Variants in CCDC102B observed in about 807,000 individuals in gnomAD.
CCDC102B encodes the protein coiled-coil domain-containing protein 102B.
CCDC102B carries 75 observed loss-of-function variants against 57.4 expected under a neutral mutation model. The ratio of observed to expected loss-of-function variants is 1.31; its 90% CI spans 1.08 to 1.58. The LOEUF (loss-of-function observed/expected upper bound fraction) is 1.58. Among genes scored for constraint, CCDC102B ranks in the 40% most tolerant of loss-of-function variants. The pLI is 0.00. For synonymous variants in CCDC102B, 206 were observed against 201.9 expected (o/e 1.02, Z -0.17); for missense variants, 636 against 582.6 (o/e 1.09, Z -0.94).
chr18:68,730,797 C>T (rs1341281798), intron 2 of CCDC102B, among the ~76,000 whole-genome samples: 1 of 152,120 alleles, frequency 6.6e-6, no homozygotes, highest in Non-Finnish European at 1.5e-5. Flanking sequence ...ATGTCTTCTA[C>T]ATGATGTATT....
intron 7 of CCDC102B, among the ~76,000 whole-genome samples, chr18:69,037,397 C>T (rs894985066): frequency 6.6e-6 from 1 of 151,840 alleles, no homozygotes; most frequent in Non-Finnish European, 1.5e-5. Flanking sequence ...TTTATAAGTT[C>T]AAGGATAAAG....
chr18:68,767,247 T>A (rs191311812), intron 2 of CCDC102B, among the ~76,000 whole-genome samples: 2 of 152,354 alleles, frequency 1.3e-5, no homozygotes, highest in Admixed American at 1.3e-4. Context: ...TATGTGAAGC[T>A]CTAACCCTTG....
rs149120271 is a variant in CCDC102B, at chr18:68,839,356, A to G, written c.827+430A>G. On this transcript the variant is annotated intron_variant, in intron 3 of 7. Coordinates refer to ENST00000360242, the MANE Select transcript of CCDC102B (RefSeq NM_024781.3). The stretch of plus-strand genomic sequence containing the variant: ...GAAAAAGTAGTCTTATACATGGACC[A>G]TTAAGGGCATCAGGCTTTTGCTTAA... Among the ~76,000 whole-genome samples, 952 of 152,314 alleles carry G rather than the reference A, an allele frequency of 6.3e-3. 5 individuals are homozygous for G. Among genetic ancestry groups the G allele is most frequent in the African/African-American group, 0.022 (897 of 41,578 alleles).
upstream of CCDC102B, among the ~76,000 whole-genome samples, chr18:68,796,092 C>G (rs966937464): frequency 6.6e-6 from 1 of 151,996 alleles, no homozygotes; most frequent in African/African-American, 2.4e-5. Flanking sequence ...GCATAAGTAC[C>G]GGAAATAGAC....
intron 6 of CCDC102B, among the ~76,000 whole-genome samples, chr18:68,975,095 C>T (rs1250485365): frequency 6.6e-6 from 1 of 151,912 alleles, no homozygotes; most frequent in Non-Finnish European, 1.5e-5. Context: ...AACCTGCCCA[C>T]GTGGAAAAAT....
chr18:69,005,127 T>C lies in CCDC102B; in HGVS notation c.1264-5807T>C, dbSNP rs142553652. Among the ~76,000 whole-genome samples, 438 of 152,284 alleles carry C rather than the reference T, an allele frequency of 2.9e-3. 1 individual carries two copies. Among genetic ancestry groups the C allele is most frequent in the African/African-American group, 9.8e-3 (407 of 41,568 alleles). ...ATTATAATGTGTTTAACTTGAGTGGTATTGTGACTTCTTTAATGTATTTAA... is the reference window on the plus strand; with the variant it reads ...ATTATAATGTGTTTAACTTGAGTGGCATTGTGACTTCTTTAATGTATTTAA... On this transcript the variant is annotated intron_variant, in intron 6 of 7. Transcript: ENST00000360242.
chr18:68,989,645 A>C (rs1470463079), intron 6 of CCDC102B, among the ~76,000 whole-genome samples: 1 of 152,220 alleles, frequency 6.6e-6, no homozygotes. Flanking sequence ...GGCTGTGTGC[A>C]TCTGCACTTG....
chr18:68,993,754 C>A (rs1441545331), intron 6 of CCDC102B, among the ~76,000 whole-genome samples: 1 of 152,138 alleles, frequency 6.6e-6, no homozygotes, highest in Non-Finnish European at 1.5e-5. Flanking sequence ...CAGTTACAAA[C>A]TATGCCATAT....
At chr18:68,923,542 G>C (rs12326199) in intron 6 of CCDC102B, among the ~76,000 whole-genome samples, 3 of 151,880 alleles carry the variant, frequency 2.0e-5, no homozygotes, top group African/African-American at 7.3e-5. Flanking sequence ...ATCATAAAAA[G>C]TTAGCTGATA....
At chr18:68,987,035 A>G (rs2050742279) in intron 6 of CCDC102B, among the ~76,000 whole-genome samples, 1 of 152,204 alleles carries the variant, frequency 6.6e-6, no homozygotes, top group Non-Finnish European at 1.5e-5. Context: ...TTGTCAAACT[A>G]TCAATGTCAT....
intron 6 of CCDC102B, among the ~76,000 whole-genome samples, chr18:68,922,645 C>A (rs12327487): frequency 0.13 from 19,407 of 152,040 alleles, 1,594 homozygotes; most frequent in South Asian, 0.27. Flanking sequence ...ATCTCTCTCC[C>A]CATGCCTTCT....
At chr18:68,776,710 T>C (rs2034829922) in intron 2 of CCDC102B, among the ~76,000 whole-genome samples, 1 of 151,824 alleles carries the variant, frequency 6.6e-6, no homozygotes, top group African/African-American at 2.4e-5. Context: ...AACTAATGGG[T>C]AATAGGCTTA....
intron 7 of CCDC102B, among the ~76,000 whole-genome samples, chr18:69,050,714 C>T (rs1051457938): frequency 7.2e-5 from 11 of 151,978 alleles, no homozygotes; most frequent in African/African-American, 2.7e-4. Flanking sequence ...CTTAGACACA[C>T]ATGGGAAAAC....
chr18:68,866,866 T>G (rs2039008077), intron 4 of CCDC102B: 7 of 677,302 alleles, frequency 1.0e-5, no homozygotes, highest in Non-Finnish European at 1.7e-5. Flanking sequence ...CCACCACAGC[T>G]ACATTGGCAC....
chr18:68,754,246 G>A (rs182388530), intron 2 of CCDC102B: 9 of 152,122 alleles, frequency 5.9e-5, no homozygotes, highest in East Asian at 3.9e-4. Context: ...TTAAAATCCC[G>A]TTTAAACATC....
chr18:68,834,895 A>G (rs776029633), intron 1 of CCDC102B, among the ~76,000 whole-genome samples: 90 of 152,106 alleles, frequency 5.9e-4, no homozygotes, highest in Middle Eastern at 3.5e-3. Flanking sequence ...GATGGGTCAT[A>G]AGGAGGTGAT....
At position 69,054,155 on chromosome 18, in the gene CCDC102B, C is replaced by T; in HGVS notation, c.*18C>T. 1 of 1,581,104 alleles carries T rather than the reference C, an allele frequency of 6.3e-7. No individual in the cohort carries two copies. Among genetic ancestry groups the T allele is most frequent in the South Asian group, 1.2e-5 (1 of 86,314 alleles). On this transcript the variant is annotated 3_prime_UTR_variant, in exon 8 of 8. Transcript: ENST00000360242. ...ACTGGTAATTTTTTCACAAAATATG[C>T]TGAATTAAAGATTAGGGCCTTAAAG...
chr18:68,743,336 T>A (rs2033480312), intron 2 of CCDC102B, among the ~76,000 whole-genome samples: 1 of 151,996 alleles, frequency 6.6e-6, no homozygotes, highest in Non-Finnish European at 1.5e-5. Context: ...TGAACCCGGG[T>A]GGTGGAGCCT....
intron 2 of CCDC102B, among the ~76,000 whole-genome samples, chr18:68,725,415 G>T (rs1000058452): frequency 6.6e-6 from 1 of 152,146 alleles, no homozygotes; most frequent in African/African-American, 2.4e-5. Context: ...TACAATCAAG[G>T]CGTCAGAAGG....
Sources: gnomAD v4.1 joint callset for allele counts (sites outside exome capture counted in the v4.1 genomes callset) on GRCh38, gnomAD v4.1.1 for gene constraint, MANE v1.5 for transcripts, NCBI Gene and HGNC (gene_info 2026-07-23, HGNC 2026-07-21) for gene names.